The following RPS6KC1 variants were observed in gnomAD, a reference collection of about 807,000 sequenced individuals.
RPS6KC1 encodes ribosomal protein S6 kinase C1.
Under a neutral mutation model 103.8 loss-of-function variants are expected in RPS6KC1, and 54 were observed. That is an observed-to-expected ratio of 0.52 (90% CI 0.42 to 0.65). The LOEUF (loss-of-function observed/expected upper bound fraction) is 0.65. RPS6KC1 is among the 30% of genes least tolerant of loss of function. The pLI, the probability that RPS6KC1 is intolerant of heterozygous loss-of-function variation, is 0.00. For missense variants in RPS6KC1, 1,151 were observed against 1,253.8 expected (o/e 0.92, Z 1.24); for synonymous variants, 439 against 438.7 (o/e 1.00, Z -0.01).
At chr1:213,137,307 G>GT (rs143550664) in intron 6 of RPS6KC1, among the ~76,000 whole-genome samples, 72 of 151,028 alleles carry the variant, frequency 4.8e-4, no homozygotes, top group African/African-American at 9.9e-4. Context: ...TATAAAGCCT[G>GT]TTTTTTTTAT....
At chr1:213,064,257 A>G (rs2078095064) in intron 1 of RPS6KC1, among the ~76,000 whole-genome samples, 1 of 151,764 alleles carries the variant, frequency 6.6e-6, no homozygotes, top group Non-Finnish European at 1.5e-5. Flanking sequence ...GGGTTTCACC[A>G]TGTTGGCCAG....
chr1:213,307,867 T>A, the RPS6KC1 span, among the ~76,000 whole-genome samples: 1 of 152,138 alleles, frequency 6.6e-6, no homozygotes, highest in Non-Finnish European at 1.5e-5. Flanking sequence ...TCAGCTTACC[T>A]CTCTTGGCTC....
the RPS6KC1 span, among the ~76,000 whole-genome samples, chr1:213,730,127 T>C: frequency 6.6e-6 from 1 of 152,234 alleles, no homozygotes; most frequent in African/African-American, 2.4e-5. Context: ...GGCTGCATAG[T>C]ATTCCATGGT....
chr1:213,555,456 A>C, the RPS6KC1 span, among the ~76,000 whole-genome samples: 2 of 151,982 alleles, frequency 1.3e-5, no homozygotes, highest in South Asian at 2.1e-4. Context: ...CATTTTTGCT[A>C]TTTTGTTTTC....
At position 213,241,195 on chromosome 1, in the gene RPS6KC1, C is replaced by T. The variant is rs778987068; in HGVS notation, c.1719C>T (p.Phe573=). The T allele has an allele frequency of 1.3e-5, 21 of 1,613,626 alleles. No individual in the cohort carries two copies. The East Asian group carries it at 4.7e-4, about 36-fold the overall frequency. The change falls in exon 11 of 15, where the codon TTC becomes TTT. Residue 573 remains phenylalanine, a synonymous_variant. Coordinates refer to ENST00000366960, the MANE Select transcript of RPS6KC1 (RefSeq NM_012424.6). ...TQLRAHELKF[F]PNDDPEAVSS... ...TGAGAGCTCACGAGCTGAAGTTCTTCCCCAACGATGACCCAGAAGCAGTTA... is the reference window on the plus strand; with the variant it reads ...TGAGAGCTCACGAGCTGAAGTTCTTTCCCAACGATGACCCAGAAGCAGTTA...
the RPS6KC1 span, among the ~76,000 whole-genome samples, chr1:213,504,038 C>T: frequency 6.6e-6 from 1 of 151,374 alleles, no homozygotes; most frequent in Non-Finnish European, 1.5e-5. Flanking sequence ...TATGTAGACT[C>T]TTGTGAAGTT....
chr1:213,802,624 G>A, the RPS6KC1 span, among the ~76,000 whole-genome samples: 1 of 151,996 alleles, frequency 6.6e-6, no homozygotes, highest in Non-Finnish European at 1.5e-5. Flanking sequence ...AATCTTTATA[G>A]CAATAACTTA....
rs1318081044 is a variant in RPS6KC1 at position 213,072,337 on chromosome 1, A to G, written c.141+1296A>G. ...ATTTTATACATTATCATTTCTGGCTATGTCTGATTTCATAGTTGTTTTTGT... is the reference window on the plus strand; with the variant it reads ...ATTTTATACATTATCATTTCTGGCTGTGTCTGATTTCATAGTTGTTTTTGT... On this transcript the variant is annotated intron_variant, in intron 2 of 14. Transcript: ENST00000366960. Among the ~76,000 whole-genome samples, 7 of 152,112 alleles carry G rather than the reference A, an allele frequency of 4.6e-5. No individual in the cohort carries two copies. In the East Asian group the frequency reaches 9.6e-4, roughly 21 times the overall value.
chr1:213,602,044 CTTT>C, the RPS6KC1 span, among the ~76,000 whole-genome samples: 1 of 60,530 alleles, frequency 1.7e-5, no homozygotes, highest in Admixed American at 2.0e-4. Flanking sequence ...CTCTTTCTTT[CTTT>C]CTTTCTTTCT....
chr1:213,650,976 G>A, the RPS6KC1 span, among the ~76,000 whole-genome samples: 5 of 148,186 alleles, frequency 3.4e-5, no homozygotes, highest in Admixed American at 6.7e-5. Flanking sequence ...GAGAGAAAAC[G>A]TGTTGGGGGT....
chr1:213,702,256 T>C, the RPS6KC1 span, among the ~76,000 whole-genome samples: 1 of 152,012 alleles, frequency 6.6e-6, no homozygotes. Context: ...TTTCTAGTTT[T>C]ATTCCATTTC....
At chr1:213,290,980 C>T in the RPS6KC1 span, among the ~76,000 whole-genome samples, 1 of 152,158 alleles carries the variant, frequency 6.6e-6, no homozygotes. Flanking sequence ...CACCAGGACT[C>T]CCGGCCACGC....
At chr1:213,183,390 C>T (rs2092378810) in intron 8 of RPS6KC1, among the ~76,000 whole-genome samples, 1 of 152,058 alleles carries the variant, frequency 6.6e-6, no homozygotes, top group Non-Finnish European at 1.5e-5. Flanking sequence ...TGGAACAGAC[C>T]ATTTCTAGGG....
the RPS6KC1 span, among the ~76,000 whole-genome samples, chr1:213,527,411 A>G: frequency 6.6e-6 from 1 of 152,226 alleles, no homozygotes; most frequent in Non-Finnish European, 1.5e-5. Flanking sequence ...AGAACCCCAG[A>G]GTCAGTAACA....
At chr1:213,751,077 G>A in the RPS6KC1 span, among the ~76,000 whole-genome samples, 59 of 152,208 alleles carry the variant, frequency 3.9e-4, 2 homozygotes, top group Admixed American at 3.1e-3. Flanking sequence ...CATCTTGAAG[G>A]TCTTGGGCAA....
At chr1:213,350,011 T>G in the RPS6KC1 span, among the ~76,000 whole-genome samples, 1 of 152,230 alleles carries the variant, frequency 6.6e-6, no homozygotes, top group African/African-American at 2.4e-5. Context: ...GTCTGAATAC[T>G]CTTTTTAAGT....
the RPS6KC1 span, among the ~76,000 whole-genome samples, chr1:213,799,328 G>A: frequency 1.2e-4 from 18 of 152,172 alleles, no homozygotes; most frequent in African/African-American, 3.1e-4. Flanking sequence ...ATGTGTTTTC[G>A]GGGACAAGCT....
chr1:213,644,522 A>G, the RPS6KC1 span, among the ~76,000 whole-genome samples: 6 of 152,126 alleles, frequency 3.9e-5, no homozygotes, highest in East Asian at 3.9e-4. Flanking sequence ...TGTTTTGTCT[A>G]TTCATCCCTC....
At chr1:213,412,871 G>C in the RPS6KC1 span, among the ~76,000 whole-genome samples, 1 of 152,142 alleles carries the variant, frequency 6.6e-6, no homozygotes, top group Non-Finnish European at 1.5e-5. Flanking sequence ...GTGTTCTGTT[G>C]ACAGCTGAGA....
Sources: gnomAD v4.1 joint callset for allele counts (sites outside exome capture counted in the v4.1 genomes callset) on GRCh38, gnomAD v4.1.1 for gene constraint, MANE v1.5 for transcripts, NCBI Gene and HGNC (gene_info 2026-07-23, HGNC 2026-07-21) for gene names.